The following SORCS2 variants were observed in gnomAD, a reference collection of about 807,000 sequenced individuals.
SORCS2 encodes the protein VPS10 domain-containing receptor SorCS2.
Under a neutral mutation model 141.6 loss-of-function variants are expected in SORCS2, and 100 were observed. That is an observed-to-expected ratio of 0.71 (90% CI 0.60 to 0.83). The LOEUF (loss-of-function observed/expected upper bound fraction) is 0.83. SORCS2 is among the 40% of genes least tolerant of loss of function. The pLI, the probability that SORCS2 is intolerant of heterozygous loss-of-function variation, is 0.00. For missense variants in SORCS2, 1,646 were observed against 1,560.2 expected (o/e 1.05, Z -0.93); for synonymous variants, 789 against 676.9 (o/e 1.17, Z -2.57).
chr4:7,636,860 G>T (rs1237903063), intron 3 of SORCS2, among the ~76,000 whole-genome samples: 1 of 152,102 alleles, frequency 6.6e-6, no homozygotes, highest in African/African-American at 2.4e-5. Context: ...TCCTCTCTCA[G>T]TCTGGAGGCT....
intron 2 of SORCS2, among the ~76,000 whole-genome samples, chr4:7,513,474 C>A (rs1732787652): frequency 6.6e-6 from 1 of 152,232 alleles, no homozygotes; most frequent in Non-Finnish European, 1.5e-5. Context: ...ACACTTGGCT[C>A]CTAAGCCAGG....
rs747671590 is a variant in SORCS2, at chr4:7,286,601, C to A, written c.480+93475C>A. ...CCCATTCGGTCCCAGGCCAGCCCCC[C>A]GTATCTTACGGATGGAGGACACAGG... On this transcript the variant is annotated intron_variant, in intron 1 of 26. Coordinates refer to ENST00000507866, the MANE Select transcript of SORCS2 (RefSeq NM_020777.3). This position sits in a 1 kb window ranked among gnomAD's most constrained non-coding sequence, Gnocchi z 4.1. Among the ~76,000 whole-genome samples, 1 of 152,184 alleles carries A rather than the reference C, an allele frequency of 6.6e-6. No homozygotes were observed. The highest frequency in any genetic ancestry group is 1.5e-5 in the Non-Finnish European group (1 of 68,036).
At chr4:7,223,433 TTTTTG>T (rs1728828106) in intron 1 of SORCS2, among the ~76,000 whole-genome samples, 1 of 152,228 alleles carries the variant, frequency 6.6e-6, no homozygotes, top group African/African-American at 2.4e-5. Flanking sequence ...CATTTCTTTA[TTTTTG>T]TATCACTGTG....
At chr4:7,213,634 C>G (rs528738290) in intron 1 of SORCS2, among the ~76,000 whole-genome samples, 1 of 152,166 alleles carries the variant, frequency 6.6e-6, no homozygotes, top group African/African-American at 2.4e-5. Context: ...GCAAGGACCT[C>G]GGGAGCCTCG....
intron 2 of SORCS2, among the ~76,000 whole-genome samples, chr4:7,497,801 C>G (rs1196050403): frequency 6.6e-6 from 1 of 152,266 alleles, no homozygotes; most frequent in Non-Finnish European, 1.5e-5. Flanking sequence ...CAGGCCTGGA[C>G]CCAGATACTG....
rs766314876 is a variant in SORCS2 at position 7,260,085 on chromosome 4, A to G, written c.480+66959A>G. Among the ~76,000 whole-genome samples, 3 of 152,092 alleles carry G rather than the reference A, an allele frequency of 2.0e-5. 1 individual carries two copies. The South Asian group carries it at 6.2e-4, about 31-fold the overall frequency. On this transcript the variant is annotated intron_variant, in intron 1 of 26. Transcript: ENST00000507866. ...CCAGGCTTGGGTTGGAGAAAGGCAG[A>G]ATAGAGACACCTTCTCCCCTTTTCC... is the stretch of plus-strand genomic sequence containing the variant.
chr4:7,677,236 C>A (rs1325477708), intron 9 of SORCS2, among the ~76,000 whole-genome samples: 3 of 152,212 alleles, frequency 2.0e-5, no homozygotes, highest in African/African-American at 4.8e-5. Context: ...TGAGCCTCCA[C>A]TGACCCCAGA....
chr4:7,659,288 AG>A (rs1385825369), intron 5 of SORCS2, among the ~76,000 whole-genome samples: 6 of 149,140 alleles, frequency 4.0e-5, no homozygotes, highest in African/African-American at 1.3e-4. Flanking sequence ...AAAAAAAAAA[AG>A]AAAAAAAAAA....
At chr4:7,292,600 G>A (rs1716687228) in intron 1 of SORCS2, among the ~76,000 whole-genome samples, 1 of 152,216 alleles carries the variant, frequency 6.6e-6, no homozygotes, top group Admixed American at 6.5e-5. Context: ...AACATTGGCT[G>A]CTGCTTGTTA....
intron 2 of SORCS2, among the ~76,000 whole-genome samples, chr4:7,410,147 C>G (rs979257751): frequency 6.6e-6 from 1 of 152,246 alleles, no homozygotes; most frequent in African/African-American, 2.4e-5. Flanking sequence ...AGCCTATGGG[C>G]TGTCCTGGGT....
At chr4:7,253,427 T>A (rs1173114734) in intron 1 of SORCS2, among the ~76,000 whole-genome samples, 8 of 152,198 alleles carry the variant, frequency 5.3e-5, no homozygotes, top group African/African-American at 1.4e-4. Flanking sequence ...CTGTTCTCAT[T>A]AGGGATCTGT....
At position 7,234,923 on chromosome 4, in the gene SORCS2, C is replaced by T. The variant is rs113108606; in HGVS notation, c.480+41797C>T. On this transcript the variant is annotated intron_variant, in intron 1 of 26. Transcript: ENST00000507866. ...GGGGCCAGGAGGCCGGGGAAGGCCT[C>T]GCCGAGGAGACAGGGGCTAGGCTGG... Among the ~76,000 whole-genome samples, 209 of 152,306 alleles carry T rather than the reference C, an allele frequency of 1.4e-3. 1 individual carries two copies. The highest frequency in any genetic ancestry group is 4.5e-3 in the African/African-American group (189 of 41,570).
intron 3 of SORCS2, among the ~76,000 whole-genome samples, chr4:7,600,929 A>G (rs1234686352): frequency 6.6e-6 from 1 of 152,162 alleles, no homozygotes; most frequent in Non-Finnish European, 1.5e-5. Flanking sequence ...TTAACAGCCC[A>G]GGCTGGTGGG....
At chr4:7,634,705 C>T (rs1720131699) in intron 3 of SORCS2, among the ~76,000 whole-genome samples, 1 of 152,134 alleles carries the variant, frequency 6.6e-6, no homozygotes, top group African/African-American at 2.4e-5. Context: ...TGACTTCCTT[C>T]CAAGAGGACA....
chr4:7,715,276 C>T lies in SORCS2; in HGVS notation c.2217C>T (p.Asp739=). 6.2e-7 allele frequency: 1 copy of T among 1,613,450 alleles called. No individual in the cohort carries two copies. Among genetic ancestry groups the T allele is most frequent in the Non-Finnish European group, 8.5e-7 (1 of 1,179,788 alleles). ...FWFNPLSPPD[D]CALGQTYTSS... is the part of the protein sequence containing the mutation. ...TTAACCCATTGTCCCCGCCTGACGA[C>T]TGTGCCCTGGGCCAGACCTACACCA... Residue 739 remains aspartate (D), a synonymous_variant, in exon 17 of 27, where the codon GAC becomes GAT. Transcript: ENST00000507866.
chr4:7,682,919 T>C, intron 10 of SORCS2, 30 bp downstream of exon 10: 1 of 1,603,124 alleles, frequency 6.2e-7, no homozygotes, highest in Non-Finnish European at 8.5e-7. Context: ...TCACACACCA[T>C]CCTTGGCGTG....
chr4:7,452,741 C>T (rs756571059), intron 2 of SORCS2, among the ~76,000 whole-genome samples: 8 of 152,202 alleles, frequency 5.3e-5, no homozygotes, highest in Non-Finnish European at 1.2e-4. Flanking sequence ...CTAGGATTGC[C>T]GGAAAGATGA....
At chr4:7,494,108 T>C (rs188108407) in intron 2 of SORCS2, among the ~76,000 whole-genome samples, 15 of 152,170 alleles carry the variant, frequency 9.9e-5, no homozygotes, top group Admixed American at 3.3e-4. Flanking sequence ...TGGATGCACG[T>C]GAGTGTATTT....
At chr4:7,424,359 C>T (rs953737425) in intron 2 of SORCS2, among the ~76,000 whole-genome samples, 13 of 152,212 alleles carry the variant, frequency 8.5e-5, no homozygotes, top group African/African-American at 2.9e-4. Flanking sequence ...CTGTCTCCAG[C>T]CTGGGCTCTC....
Sources: gnomAD v4.1 joint callset for allele counts (sites outside exome capture counted in the v4.1 genomes callset) on GRCh38, gnomAD v4.1.1 for gene constraint, Gnocchi (gnomAD v3.1) non-coding constraint, MANE v1.5 for transcripts, NCBI Gene and HGNC (gene_info 2026-07-23, HGNC 2026-07-21) for gene names.